The following IL23R variants were observed in gnomAD, a reference collection of about 807,000 sequenced individuals.
IL23R encodes the protein interleukin 23 receptor.
Under a neutral mutation model 56.9 loss-of-function variants are expected in IL23R, and 34 were observed. That is an observed-to-expected ratio of 0.60 (90% CI 0.45 to 0.80). The LOEUF is 0.80. Ranked by LOEUF, IL23R falls within the 30% of genes least tolerant of loss-of-function variation. IL23R has a pLI of 0.00. For synonymous variants in IL23R, 230 were observed against 249.2 expected (o/e 0.92, Z 0.73); for missense variants, 635 against 730.0 (o/e 0.87, Z 1.50).
chr1:67,196,097 G>T (rs948934926), intron 4 of IL23R: 1 of 152,352 alleles, frequency 6.6e-6, no homozygotes, highest in South Asian at 2.1e-4. Context: ...TCCCCTGAGA[G>T]AGAGGGCAGT....
At chr1:67,207,689 A>C in intron 6 of IL23R, 1 of 351,916 alleles carries the variant, frequency 2.8e-6, no homozygotes, top group Admixed American at 3.5e-5. Flanking sequence ...CTTACCAGCC[A>C]TGTGGAACTG....
chr1:67,142,190 A>C (rs1646644453), intron 1 of IL23R, among the ~76,000 whole-genome samples: 1 of 152,204 alleles, frequency 6.6e-6, no homozygotes, highest in Non-Finnish European at 1.5e-5. Context: ...CTGAGTTTTC[A>C]CTTACACATT....
intron 1 of IL23R, among the ~76,000 whole-genome samples, chr1:67,146,706 T>C (rs1028385940): frequency 6.6e-6 from 1 of 152,236 alleles, no homozygotes; most frequent in Non-Finnish European, 1.5e-5. Context: ...TCCAAGAATA[T>C]GAACCCTACC....
intron 1 of IL23R, among the ~76,000 whole-genome samples, chr1:67,149,111 G>C (rs1646706771): frequency 6.6e-6 from 1 of 152,108 alleles, no homozygotes; most frequent in African/African-American, 2.4e-5. Flanking sequence ...CCCAATCATA[G>C]GGTTCCCACA....
At chr1:67,184,902 A>C (rs1404032922) in intron 4 of IL23R, among the ~76,000 whole-genome samples, 1 of 152,168 alleles carries the variant, frequency 6.6e-6, no homozygotes, top group Non-Finnish European at 1.5e-5. Flanking sequence ...CATGAGGGTA[A>C]AGCCCTCATG....
chr1:67,165,946 C>A (rs1430443135), upstream of IL23R, among the ~76,000 whole-genome samples: 1 of 152,120 alleles, frequency 6.6e-6, no homozygotes, highest in Non-Finnish European at 1.5e-5. Context: ...TTGAAATTTG[C>A]TTGAATGTTC....
chr1:67,233,449 G>A (rs1203004404), intron 7 of IL23R, among the ~76,000 whole-genome samples: 1 of 151,994 alleles, frequency 6.6e-6, no homozygotes, highest in Non-Finnish European at 1.5e-5. Flanking sequence ...AAGAGCTGAG[G>A]TGATGATTTG....
chr1:67,148,191 T>C (rs1470882187), intron 1 of IL23R, among the ~76,000 whole-genome samples: 1 of 152,206 alleles, frequency 6.6e-6, no homozygotes, highest in Non-Finnish European at 1.5e-5. Context: ...CCCTGCCGGA[T>C]CCAGAGGGGT....
intron 5 of IL23R, among the ~76,000 whole-genome samples, chr1:67,201,538 C>A (rs184714314): frequency 1.4e-5 from 2 of 146,184 alleles, no homozygotes; most frequent in African/African-American, 2.5e-5. Flanking sequence ...AACTTACAAT[C>A]TACTAGGGAA....
intron 3 of IL23R, among the ~76,000 whole-genome samples, chr1:67,173,652 G>A (rs890281159): frequency 6.6e-6 from 1 of 152,010 alleles, no homozygotes; most frequent in Non-Finnish European, 1.5e-5. Flanking sequence ...TGTTCTTACT[G>A]TTTGAATATA....
intron 9 of IL23R, among the ~76,000 whole-genome samples, chr1:67,252,628 G>A (rs1652701315): frequency 6.6e-6 from 1 of 152,026 alleles, no homozygotes; most frequent in Non-Finnish European, 1.5e-5. Context: ...GTGCTCCTGG[G>A]GGTCGTTAGA....
chr1:67,233,179 T>G, intron 7 of IL23R, among the ~76,000 whole-genome samples: 1 of 127,866 alleles, frequency 7.8e-6, no homozygotes. Context: ...TGAAATCCTG[T>G]CTCTACTAAA....
At chr1:67,143,812 C>T (rs1646658426) in intron 1 of IL23R, among the ~76,000 whole-genome samples, 1 of 152,104 alleles carries the variant, frequency 6.6e-6, no homozygotes, top group Non-Finnish European at 1.5e-5. Flanking sequence ...CTAGGCAGGA[C>T]ATCAGCAGAA....
At chr1:67,251,709 G>A (rs992947483) in intron 9 of IL23R, among the ~76,000 whole-genome samples, 1 of 152,100 alleles carries the variant, frequency 6.6e-6, no homozygotes, top group African/African-American at 2.4e-5. Context: ...GTTCCCACAG[G>A]TATCAAACCA....
At chr1:67,218,784 T>C (rs1650041132) in intron 6 of IL23R, among the ~76,000 whole-genome samples, 1 of 151,714 alleles carries the variant, frequency 6.6e-6, no homozygotes, top group Admixed American at 6.6e-5. Flanking sequence ...CCAATCATGG[T>C]AGTGCATGCC....
intron 4 of IL23R, among the ~76,000 whole-genome samples, chr1:67,193,950 T>C (rs1647931247): frequency 6.6e-6 from 1 of 152,212 alleles, no homozygotes; most frequent in African/African-American, 2.4e-5. Context: ...CGGCTAAAAA[T>C]TGTGGTTTCC....
At chr1:67,154,391 T>C (rs1646754120) in intron 1 of IL23R, among the ~76,000 whole-genome samples, 1 of 152,180 alleles carries the variant, frequency 6.6e-6, no homozygotes, top group South Asian at 2.1e-4. Context: ...TGTGGGAGTC[T>C]AAGTCTCTCT....
At chr1:67,265,660 T>C in the IL23R span, among the ~76,000 whole-genome samples, 3 of 152,208 alleles carry the variant, frequency 2.0e-5, no homozygotes, top group Non-Finnish European at 4.4e-5. Flanking sequence ...TTTATACACA[T>C]ATAAGAATTT....
chr1:67,198,848 G>A (rs1184350941), intron 4 of IL23R, among the ~76,000 whole-genome samples: 2 of 152,106 alleles, frequency 1.3e-5, no homozygotes, highest in Non-Finnish European at 2.9e-5. Context: ...AGGAGGCTGG[G>A]GTGGGAGGAT....
Sources: allele counts gnomAD v4.1 joint callset (sites outside exome capture counted in the v4.1 genomes callset), GRCh38; gene constraint gnomAD v4.1.1; transcripts MANE v1.5; gene names NCBI Gene and HGNC (gene_info 2026-07-23, HGNC 2026-07-21).